Variants in FARS2 observed in about 807,000 individuals in gnomAD.
The protein encoded by FARS2 is phenylalanine--tRNA ligase, mitochondrial.
In FARS2, 40 loss-of-function variants were observed where a neutral mutation model predicts 46.4. The observed-to-expected ratio is 0.86, with a 90% confidence interval of 0.67 to 1.12. The LOEUF (loss-of-function observed/expected upper bound fraction) is 1.12. FARS2 is among the 50% of genes most tolerant of loss of function. The probability of loss-of-function intolerance (pLI) is 0.00; values close to 1 mark genes in which losing one functional copy is unlikely to be tolerated. For missense variants in FARS2, 513 were observed against 567.9 expected (o/e 0.90, Z 0.98); for synonymous variants, 234 against 214.9 (o/e 1.09, Z -0.78).
At chr6:5,438,821 A>AT (rs2127783059) in intron 4 of FARS2, among the ~76,000 whole-genome samples, 1 of 152,282 alleles carries the variant, frequency 6.6e-6, no homozygotes, top group Non-Finnish European at 1.5e-5. Flanking sequence ...AAAAAGTTTC[A>AT]TATTTTGGAG....
intron 2 of FARS2, among the ~76,000 whole-genome samples, chr6:5,403,428 A>G (rs1761377732): frequency 6.6e-6 from 1 of 152,184 alleles, no homozygotes; most frequent in African/African-American, 2.4e-5. Context: ...AAGCTGTTAC[A>G]ACCCATGTTC....
the FARS2 span, among the ~76,000 whole-genome samples, chr6:5,254,320 G>A: frequency 1.3e-5 from 2 of 152,180 alleles, no homozygotes; most frequent in Non-Finnish European, 2.9e-5. Flanking sequence ...TAGGGAAAAC[G>A]CTTCCTTGAC....
At chr6:5,460,049 A>C (rs1765152820) in intron 4 of FARS2, among the ~76,000 whole-genome samples, 1 of 152,238 alleles carries the variant, frequency 6.6e-6, no homozygotes, top group Non-Finnish European at 1.5e-5. Context: ...GTTTTGGGAT[A>C]GATCGGTGCT....
chr6:5,720,593 T>C (rs1977059), intron 6 of FARS2, among the ~76,000 whole-genome samples: 141,439 of 152,260 alleles, frequency 0.93, 65,798 homozygotes, highest in East Asian at 1. Flanking sequence ...TTTTCTAGAT[T>C]GCCTTTACAT....
intron 5 of FARS2, among the ~76,000 whole-genome samples, chr6:5,597,400 C>T (rs1038604169): frequency 6.6e-6 from 1 of 152,174 alleles, no homozygotes; most frequent in African/African-American, 2.4e-5. Flanking sequence ...CTCTAAAATT[C>T]CCTTTCCCCT....
chr6:5,591,234 A>G (rs1773901143), intron 5 of FARS2, among the ~76,000 whole-genome samples: 1 of 152,220 alleles, frequency 6.6e-6, no homozygotes, highest in African/African-American at 2.4e-5. Context: ...CCATACTTAA[A>G]TGAAGTTTAG....
chr6:5,450,643 G>T (rs1160447528), intron 4 of FARS2, among the ~76,000 whole-genome samples: 1 of 152,036 alleles, frequency 6.6e-6, no homozygotes, highest in Non-Finnish European at 1.5e-5. Flanking sequence ...TAGCTTGTAG[G>T]CCTTACAAAA....
At chr6:5,290,269 A>G (rs931324717) in intron 1 of FARS2, among the ~76,000 whole-genome samples, 8 of 152,152 alleles carry the variant, frequency 5.3e-5, no homozygotes, top group African/African-American at 1.9e-4. Flanking sequence ...AATGCTTGAC[A>G]ACTCATGCTT....
chr6:5,611,788 A>C (rs936582330), intron 5 of FARS2, among the ~76,000 whole-genome samples: 2 of 152,144 alleles, frequency 1.3e-5, no homozygotes, highest in Admixed American at 6.5e-5. Flanking sequence ...AATTGTTGAC[A>C]CGTGTTTCAT....
At chr6:5,254,913 A>C in the FARS2 span, among the ~76,000 whole-genome samples, 3 of 151,820 alleles carry the variant, frequency 2.0e-5, no homozygotes, top group African/African-American at 7.3e-5. Context: ...GGGTATCTCT[A>C]CTCACGGCAG....
intron 4 of FARS2, among the ~76,000 whole-genome samples, chr6:5,541,122 A>C (rs1405824152): frequency 2.6e-5 from 4 of 152,192 alleles, no homozygotes; most frequent in African/African-American, 9.6e-5. Context: ...TTAAATATAT[A>C]TGTAAGCTAT....
intron 1 of FARS2, among the ~76,000 whole-genome samples, chr6:5,264,886 C>T (rs543091604): frequency 5.3e-5 from 8 of 151,970 alleles, no homozygotes; most frequent in Admixed American, 1.3e-4. Flanking sequence ...TTCAAACTCC[C>T]GTGCTGAAGT....
At chr6:5,473,533 C>CA (rs368264799) in intron 4 of FARS2, among the ~76,000 whole-genome samples, 158 of 82,136 alleles carry the variant, frequency 1.9e-3, no homozygotes, top group Admixed American at 4.5e-3. Flanking sequence ...TCTCAAAAAA[C>CA]AAAAAAAAAA....
chr6:5,574,007 A>G lies in FARS2; in HGVS notation c.1065+28667A>G, dbSNP rs1418198349. Among the ~76,000 whole-genome samples the G allele has an allele frequency of 2.0e-5, 3 of 152,246 alleles. No individual in the cohort carries two copies. The East Asian group carries it at 5.8e-4, about 29-fold the overall frequency. On this transcript the variant is annotated intron_variant, in intron 5 of 6. Transcript: ENST00000274680. ...ATTGGAAAAATGTTTAGCCTGCCAT[A>G]CATTAAAGGCTGGCAAACTTTTTCC...
rs4960116 is a variant in FARS2, at chr6:5,630,235, A to G, written c.1217+16915A>G. On this transcript the variant is annotated intron_variant, in intron 6 of 6. Transcript: ENST00000274680. This position sits in a 1 kb window ranked among gnomAD's most constrained non-coding sequence, Gnocchi z 4.2. The stretch of plus-strand genomic sequence containing the variant: ...GGAACTAAGAAGGGAGACCCAAGAG[A>G]TGGAAGTCAAAGAGCAGAGGCTGGG... 0.66 allele frequency among the ~76,000 whole-genome samples: 99,693 copies of G among 151,978 alleles called. 34,388 individuals are homozygous for G. Among genetic ancestry groups the G allele is most frequent in the East Asian group, 0.94 (4,841 of 5,156 alleles).
chr6:5,746,715 C>T (rs1260230646), intron 6 of FARS2, among the ~76,000 whole-genome samples: 2 of 152,044 alleles, frequency 1.3e-5, no homozygotes, highest in Admixed American at 6.6e-5. Context: ...TCATCTTTGT[C>T]GCCCCAGTCA....
At chr6:5,600,171 A>G (rs1296881051) in intron 5 of FARS2, among the ~76,000 whole-genome samples, 2 of 152,236 alleles carry the variant, frequency 1.3e-5, no homozygotes, top group African/African-American at 4.8e-5. Context: ...CATGATATTG[A>G]AACATCAAAA....
At chr6:5,563,088 AG>A (rs1318004997) in intron 5 of FARS2, among the ~76,000 whole-genome samples, 1 of 84,838 alleles carries the variant, frequency 1.2e-5, no homozygotes, top group Non-Finnish European at 2.2e-5. Flanking sequence ...AGACAGAGGG[AG>A]GGGGGCTCCA....
chr6:5,594,362 C>T (rs931024801), intron 5 of FARS2, among the ~76,000 whole-genome samples: 11 of 152,166 alleles, frequency 7.2e-5, no homozygotes, highest in Admixed American at 5.2e-4. Flanking sequence ...TGTTTTCTTT[C>T]TGTACTTTAT....
Sources: allele counts gnomAD v4.1 joint callset (sites outside exome capture counted in the v4.1 genomes callset), GRCh38; gene constraint gnomAD v4.1.1; non-coding constraint Gnocchi (gnomAD v3.1); transcripts MANE v1.5; gene names NCBI Gene and HGNC (gene_info 2026-07-23, HGNC 2026-07-21).